The following DACH2 variants were observed in gnomAD, a reference collection of about 807,000 sequenced individuals.
DACH2 encodes the protein dachshund homolog 2.
A neutral mutation model predicts 35.8 loss-of-function variants in DACH2; 17 were observed. The observed-to-expected ratio is 0.48, with a 90% confidence interval of 0.33 to 0.71. The LOEUF is 0.71. Ranked by LOEUF, DACH2 falls within the 30% of genes least tolerant of loss-of-function variation. DACH2 has a pLI of 0.02. For synonymous variants in DACH2, 195 were observed against 177.3 expected (o/e 1.10, Z -0.79); for missense variants, 469 against 472.7 (o/e 0.99, Z 0.07).
At chrX:86,242,060 T>G (rs2033176566) in intron 1 of DACH2, among the ~76,000 whole-genome samples, 1 of 112,956 alleles carries the variant, frequency 8.9e-6, no homozygotes, top group Non-Finnish European at 1.9e-5. Flanking sequence ...AGGGGAAATG[T>G]GGGCTTGGAG....
Position 86,666,296 on chromosome X carries a change from T to TGA in DACH2, c.772+15130_772+15131insAG, listed in dbSNP as rs1192878584. ...TCAGCAATGTTTTTGGAGTGGGATG[T>TGA]GTGTGTGTGTGTGTGTGAGAGAGAG... On this transcript the variant is annotated intron_variant, in intron 4 of 11. Coordinates refer to ENST00000373125, the MANE Select transcript of DACH2 (RefSeq NM_053281.3). Among the ~76,000 whole-genome samples, 9 of 44,472 alleles carry TGA rather than the reference T, an allele frequency of 2.0e-4. No homozygotes were observed. The South Asian group carries it at 4.8e-3, about 24-fold the overall frequency. 38.6% of individuals were successfully genotyped at this position (44,472 alleles called of 115,157 possible). A position where few individuals can be genotyped will look rare whatever the true frequency, so the allele number is the denominator to read the frequency against.
chrX:86,411,309 G>T (rs1169546163), intron 2 of DACH2, among the ~76,000 whole-genome samples: 2 of 108,207 alleles, frequency 1.8e-5, no homozygotes, highest in African/African-American at 3.4e-5. Context: ...GATTAAGGGT[G>T]GATCTGCCTT....
chrX:86,349,935 G>A (rs1020230585), intron 1 of DACH2, among the ~76,000 whole-genome samples: 27 of 111,845 alleles, frequency 2.4e-4, no homozygotes, highest in Non-Finnish European at 4.3e-4. Context: ...GGAGGCTGAC[G>A]TGGGCTGATC....
chrX:86,739,938 G>C, intron 7 of DACH2, 56 bp downstream of exon 7: 1 of 1,101,060 alleles, frequency 9.1e-7, no homozygotes, highest in Non-Finnish European at 1.2e-6. Context: ...GAAATTAGTT[G>C]TTAGGAAAAA....
intron 4 of DACH2, among the ~76,000 whole-genome samples, chrX:86,668,201 T>G (rs2148422322): frequency 8.9e-6 from 1 of 112,261 alleles, no homozygotes; most frequent in Admixed American, 9.5e-5. Flanking sequence ...GCAAATTTAC[T>G]TTGAAGTATG....
chrX:86,538,441 C>A (rs1311528968), intron 3 of DACH2, among the ~76,000 whole-genome samples: 1 of 111,829 alleles, frequency 8.9e-6, no homozygotes, highest in South Asian at 3.7e-4. Flanking sequence ...TTGTTATTAA[C>A]AATAGCCCCA....
At chrX:86,301,149 A>G (rs747002123) in intron 1 of DACH2, among the ~76,000 whole-genome samples, 5 of 111,912 alleles carry the variant, frequency 4.5e-5, no homozygotes, top group Non-Finnish European at 7.5e-5. Context: ...ACAAAAATCC[A>G]TTATTTGGGG....
At chrX:86,685,373 T>G (rs746450945) in intron 4 of DACH2, among the ~76,000 whole-genome samples, 1 of 112,156 alleles carries the variant, frequency 8.9e-6, no homozygotes, top group African/African-American at 3.2e-5. Flanking sequence ...TCTTAAATAT[T>G]AGTGACACAT....
rs777282200 is a variant in DACH2, at chrX:86,809,341, T to C, written c.1241-3515T>C. Among the ~76,000 whole-genome samples the C allele has an allele frequency of 5.4e-5, 6 of 111,597 alleles. No individual in the cohort carries two copies. In the East Asian group the frequency reaches 1.7e-3, roughly 31 times the overall value. Reference sequence around the variant, plus strand: ...TCTAGAACTTGCCCATTTAAAATTGTATTGCCAATTAGGATTTTTCAACCC... The same window carrying C: ...TCTAGAACTTGCCCATTTAAAATTGCATTGCCAATTAGGATTTTTCAACCC... On this transcript the variant is annotated intron_variant, in intron 7 of 11. Coordinates refer to ENST00000373125, the MANE Select transcript of DACH2 (RefSeq NM_053281.3).
At chrX:86,616,121 C>G (rs1006165257) in intron 3 of DACH2, among the ~76,000 whole-genome samples, 2 of 111,754 alleles carry the variant, frequency 1.8e-5, no homozygotes, top group Non-Finnish European at 3.8e-5. Flanking sequence ...TTTATAGCTG[C>G]ATAATATTCC....
At chrX:86,525,369 C>T (rs1002768860) in intron 3 of DACH2, among the ~76,000 whole-genome samples, 5 of 111,544 alleles carry the variant, frequency 4.5e-5, no homozygotes, top group Non-Finnish European at 9.4e-5. Flanking sequence ...AAATAAAACA[C>T]TTTAATTTTC....
In DACH2 at chrX:86,774,884, C is replaced by T. The variant is rs751789420; in HGVS notation, c.1240+35002C>T. Among the ~76,000 whole-genome samples, 5 of 111,453 alleles carry T rather than the reference C, an allele frequency of 4.5e-5. No homozygotes were observed. The South Asian group carries it at 1.9e-3, about 42-fold the overall frequency. On this transcript the variant is annotated intron_variant, in intron 7 of 11. Transcript: ENST00000373125. ...AACAGGGCTTTTATTGTATATGGAC[C>T]TTTCAGAAATCAATCTTATTGTATT...
chrX:86,338,390 G>A (rs1022118961), intron 1 of DACH2, among the ~76,000 whole-genome samples: 2 of 111,796 alleles, frequency 1.8e-5, no homozygotes, highest in Non-Finnish European at 3.8e-5. Context: ...AATCAAATTA[G>A]AACTCAGGAT....
chrX:86,173,673 G>A (rs1187925542), intron 1 of DACH2, among the ~76,000 whole-genome samples: 2 of 111,890 alleles, frequency 1.8e-5, no homozygotes, highest in Non-Finnish European at 3.8e-5. Flanking sequence ...ATATTGGGGA[G>A]TTGGCCACAT....
chrX:86,320,610 C>T (rs183821550), intron 1 of DACH2, among the ~76,000 whole-genome samples: 7 of 112,254 alleles, frequency 6.2e-5, no homozygotes, highest in East Asian at 2.8e-4. Context: ...TAAGTTATTC[C>T]GCATGGTTAA....
intron 1 of DACH2, among the ~76,000 whole-genome samples, chrX:86,223,384 T>G (rs956757979): frequency 3.4e-4 from 38 of 111,797 alleles, no homozygotes; most frequent in African/African-American, 1.1e-3. Flanking sequence ...TTGGTTTTTC[T>G]TGGTGTCTTT....
chrX:86,463,019 T>C (rs1169709220), intron 2 of DACH2, among the ~76,000 whole-genome samples: 3 of 111,541 alleles, frequency 2.7e-5, no homozygotes, highest in Non-Finnish European at 5.7e-5. Flanking sequence ...TGTAAAAATA[T>C]TAAACCACAG....
chrX:86,761,199 C>G (rs887528769), intron 7 of DACH2, among the ~76,000 whole-genome samples: 6 of 110,421 alleles, frequency 5.4e-5, no homozygotes, highest in African/African-American at 2.0e-4. Context: ...TCCCCTTTCC[C>G]CCCATCCCTG....
chrX:86,635,009 T>G (rs2040244884), intron 3 of DACH2, among the ~76,000 whole-genome samples: 1 of 111,456 alleles, frequency 9.0e-6, no homozygotes, highest in African/African-American at 3.3e-5. Context: ...CCTCCCTAAC[T>G]TATTCTATAA....
Sources: gnomAD v4.1 joint callset for allele counts (sites outside exome capture counted in the v4.1 genomes callset) on GRCh38, gnomAD v4.1.1 for gene constraint, MANE v1.5 for transcripts, NCBI Gene and HGNC (gene_info 2026-07-23, HGNC 2026-07-21) for gene names.